EXOC4: variants seen among roughly 807,000 people sequenced by gnomAD.
EXOC4 encodes the protein exocyst complex component 4.
A neutral mutation model predicts 107.2 loss-of-function variants in EXOC4; 71 were observed. That is an observed-to-expected ratio of 0.66 (90% CI 0.55 to 0.81). The LOEUF (loss-of-function observed/expected upper bound fraction) is 0.81, where lower values mean the gene tolerates loss of function less well. Among genes scored for constraint, EXOC4 ranks in the 30% least tolerant of loss-of-function variants. The pLI, the probability that EXOC4 is intolerant of heterozygous loss-of-function variation, is 0.00. For synonymous variants in EXOC4, 456 were observed against 441.2 expected, an observed-to-expected ratio of 1.03 and a Z score of -0.42; for missense variants, 1,108 against 1,189.6, an observed-to-expected ratio of 0.93 and a Z score of 1.01.
intron 14 of EXOC4, among the ~76,000 whole-genome samples, chr7:133,976,753 CTTTG>C (rs1793842443): frequency 6.6e-6 from 1 of 152,164 alleles, no homozygotes; most frequent in South Asian, 2.1e-4. Flanking sequence ...TCTCAAATAC[CTTTG>C]TTTGGTTTAC....
intron 10 of EXOC4, among the ~76,000 whole-genome samples, chr7:133,799,095 C>T (rs1796877574): frequency 1.3e-5 from 2 of 152,140 alleles, no homozygotes; most frequent in Non-Finnish European, 2.9e-5. Context: ...CAGATATCAT[C>T]ATGATTACCT....
the EXOC4 span, among the ~76,000 whole-genome samples, chr7:134,076,978 T>C: frequency 6.8e-6 from 1 of 146,304 alleles, no homozygotes; most frequent in Non-Finnish European, 1.5e-5. Flanking sequence ...GTGTGTATAA[T>C]AGAGAGAACA....
At chr7:133,328,333 G>C (rs1795297919) in intron 5 of EXOC4, among the ~76,000 whole-genome samples, 1 of 152,062 alleles carries the variant, frequency 6.6e-6, no homozygotes, top group East Asian at 1.9e-4. Context: ...TTGCACGTGA[G>C]ATGGGTTTCC....
At chr7:133,742,791 T>G (rs942209492) in intron 10 of EXOC4, among the ~76,000 whole-genome samples, 13 of 152,206 alleles carry the variant, frequency 8.5e-5, no homozygotes, top group Admixed American at 5.9e-4. Flanking sequence ...GTCACCTTCA[T>G]TCCTGGGTTG....
At chr7:133,765,132 G>A (rs1212218283) in intron 10 of EXOC4, among the ~76,000 whole-genome samples, 2 of 151,972 alleles carry the variant, frequency 1.3e-5, no homozygotes, top group Non-Finnish European at 2.9e-5. Flanking sequence ...ATGTTATACT[G>A]TTTATGAAAA....
intron 17 of EXOC4, among the ~76,000 whole-genome samples, chr7:134,024,461 A>AC (rs1795093044): frequency 6.6e-6 from 1 of 151,914 alleles, no homozygotes; most frequent in South Asian, 2.1e-4. Context: ...AAAAAAAAAA[A>AC]AGAAGCTAGT....
chr7:133,584,416 G>A (rs1351253718), intron 9 of EXOC4, among the ~76,000 whole-genome samples: 3 of 152,008 alleles, frequency 2.0e-5, no homozygotes, highest in African/African-American at 7.2e-5. Flanking sequence ...AATGTAGTTG[G>A]AAGCCAGAGT....
chr7:133,537,302 C>CCCG lies in EXOC4; in HGVS notation c.1417+57166_1417+57167insGCC, dbSNP rs1554469174. On this transcript the variant is annotated intron_variant, in intron 9 of 17. Transcript: ENST00000253861. ...GGTAGTTGGGATTACAGGCACCCCC[C>CCCG]CCCCCACCACACCTGACTAATTTTT... Among the ~76,000 whole-genome samples, 546 of 148,878 alleles carry CCCG rather than the reference C, an allele frequency of 3.7e-3. 9 individuals carry two copies. The highest frequency in any genetic ancestry group is 0.013 in the African/African-American group (519 of 39,682).
chr7:134,068,755 A>T (rs977925690), downstream of EXOC4, among the ~76,000 whole-genome samples: 1 of 152,102 alleles, frequency 6.6e-6, no homozygotes, highest in African/African-American at 2.4e-5. Flanking sequence ...TCTGAGCCCG[A>T]CGGTCCTTAT....
At chr7:134,085,898 G>T in the EXOC4 span, among the ~76,000 whole-genome samples, 1 of 152,182 alleles carries the variant, frequency 6.6e-6, no homozygotes, top group Non-Finnish European at 1.5e-5. Flanking sequence ...TATCACAAGG[G>T]ATCTGGAAGG....
rs1796781338 is a variant in EXOC4 at position 133,794,937 on chromosome 7, C to T, written c.1515-22388C>T. 2.0e-5 allele frequency among the ~76,000 whole-genome samples: 3 copies of T among 151,322 alleles called. No homozygotes were observed. In the South Asian group the frequency reaches 6.3e-4, roughly 32 times the overall value. The stretch of plus-strand genomic sequence containing the variant: ...AGGTATATCTCCTAATGCTATCCCT[C>T]CCCCTTCCCCCCACCCCACAACAGG... On this transcript the variant is annotated intron_variant, in intron 10 of 17. Transcript: ENST00000253861.
chr7:133,340,704 G>A (rs1255310047), intron 5 of EXOC4, among the ~76,000 whole-genome samples: 1 of 151,838 alleles, frequency 6.6e-6, no homozygotes, highest in Non-Finnish European at 1.5e-5. Flanking sequence ...CAGTCTCACT[G>A]CTTGTTATTG....
chr7:133,824,942 G>A (rs963906892), intron 11 of EXOC4, among the ~76,000 whole-genome samples: 13 of 152,094 alleles, frequency 8.5e-5, no homozygotes, highest in African/African-American at 2.2e-4. Context: ...CTGAAGTTCC[G>A]TGTAGAATTT....
rs34580866 is a variant in EXOC4, at chr7:133,451,221, C to CT, written c.1183-24095dup. On this transcript the variant is annotated intron_variant, in intron 7 of 17. Coordinates refer to ENST00000253861, the MANE Select transcript of EXOC4 (RefSeq NM_021807.4). ...CAGATTTTTTTTTGGCATTGTGAAGCTTTTTTTTTTTTAAATCTTTTGCAT... is the reference window on the plus strand; with the variant it reads ...CAGATTTTTTTTTGGCATTGTGAAGCTTTTTTTTTTTTTAAATCTTTTGCAT... 4.5e-4 allele frequency among the ~76,000 whole-genome samples: 67 copies of CT among 147,436 alleles called. 1 individual carries two copies. The South Asian group carries it at 5.8e-3, about 13-fold the overall frequency.
At position 133,527,870 on chromosome 7, in the gene EXOC4, A is replaced by T. The variant is rs1271021790; in HGVS notation, c.1417+47732A>T. 2.6e-5 allele frequency among the ~76,000 whole-genome samples: 4 copies of T among 152,296 alleles called. No individual in the cohort carries two copies. In the East Asian group the frequency reaches 7.7e-4, roughly 29 times the overall value. On this transcript the variant is annotated intron_variant, in intron 9 of 17. Transcript: ENST00000253861. ...AACAGTTTGTGTGTGAGAGTGTGAT[A>T]TAGTGGGGAGATATTTACTGTTCAT... is the stretch of plus-strand genomic sequence containing the variant.
chr7:133,331,461 CTTTTTTTTTTTTTT>C (rs58568173), intron 5 of EXOC4, among the ~76,000 whole-genome samples: 29 of 85,602 alleles, frequency 3.4e-4, no homozygotes, highest in African/African-American at 1.2e-3. Context: ...TTTCTTTTTT[CTTTTTTTTTTTTTT>C]TTTTTTTTTG....
chr7:133,311,836 T>C (rs1776525176), intron 4 of EXOC4, among the ~76,000 whole-genome samples: 1 of 152,122 alleles, frequency 6.6e-6, no homozygotes. Flanking sequence ...GGCTAATAAA[T>C]ATAAGATTGT....
chr7:133,504,780 T>A (rs1584963896), intron 9 of EXOC4, among the ~76,000 whole-genome samples: 1 of 152,272 alleles, frequency 6.6e-6, no homozygotes, highest in Middle Eastern at 3.4e-3. Flanking sequence ...TGTGTTATTA[T>A]TGAGTCTCTG....
intron 17 of EXOC4, among the ~76,000 whole-genome samples, chr7:134,061,088 A>G (rs1328900455): frequency 6.6e-6 from 1 of 152,200 alleles, no homozygotes; most frequent in East Asian, 1.9e-4. Flanking sequence ...ACACTGTGGA[A>G]GATCCAAGAG....
Sources: gnomAD v4.1 joint callset for allele counts (sites outside exome capture counted in the v4.1 genomes callset) on GRCh38, gnomAD v4.1.1 for gene constraint, MANE v1.5 for transcripts, NCBI Gene and HGNC (gene_info 2026-07-23, HGNC 2026-07-21) for gene names.